Variants in MAP3K20 observed in about 807,000 individuals in gnomAD.
MAP3K20 encodes the protein HCCS-4.
In MAP3K20, 40 loss-of-function variants were observed where a neutral mutation model predicts 85.7. That is an observed-to-expected ratio of 0.47 (90% confidence interval 0.36 to 0.61). The LOEUF is 0.61. Among genes scored for constraint, MAP3K20 ranks in the 20% least tolerant of loss-of-function variants. The pLI is 0.00. For missense variants in MAP3K20, 817 were observed against 961.7 expected (o/e 0.85, Z 1.99); for synonymous variants, 325 against 327.7 (o/e 0.99, Z 0.09).
Position 173,205,581 on chromosome 2 carries a change from TCTTGG to T in MAP3K20, c.744+1725_744+1729del, listed in dbSNP as rs113088604. Among the ~76,000 whole-genome samples the T allele has an allele frequency of 7.3e-3, 1,108 of 152,266 alleles. 5 individuals are homozygous for T. The highest frequency in any genetic ancestry group is 0.01 in the African/African-American group (425 of 41,552). Reference sequence around the variant, plus strand: ...AAGCCTGTTCACTCCACGTGCTCCTTCTTGGCTTGGCTTGGCTTAACTTGGAAGAA... The same window carrying T: ...AAGCCTGTTCACTCCACGTGCTCCTTCTTGGCTTGGCTTAACTTGGAAGAA... On this transcript the variant is annotated intron_variant, in intron 9 of 19. Coordinates refer to ENST00000375213, the MANE Select transcript of MAP3K20 (RefSeq NM_016653.3).
chr2:173,248,840 A>G (rs940506917), intron 16 of MAP3K20, among the ~76,000 whole-genome samples: 1 of 152,174 alleles, frequency 6.6e-6, no homozygotes, highest in Non-Finnish European at 1.5e-5. Context: ...TAGTCTTCTT[A>G]ATCAAGATTA....
At chr2:173,239,309 GA>G (rs78752850) in intron 15 of MAP3K20, 94 bp from the exon 16 acceptor site, 30,561 of 789,966 alleles carry the variant, frequency 0.039, 31 homozygotes, top group Non-Finnish European at 0.043. Flanking sequence ...GATTAGAATA[GA>G]AAAAAAAAAA....
intron 2 of MAP3K20, among the ~76,000 whole-genome samples, chr2:173,157,068 C>A (rs1689499651): frequency 6.6e-6 from 1 of 152,138 alleles, no homozygotes; most frequent in African/African-American, 2.4e-5. Flanking sequence ...CTTTTGACTC[C>A]TTTGTTAGCG....
chr2:173,223,841 G>A, intron 11 of MAP3K20: 1 of 985,454 alleles, frequency 1.0e-6, no homozygotes, highest in Middle Eastern at 5.2e-4. Context: ...ATGCACCCAA[G>A]AAGAAAAGCT....
intron 4 of MAP3K20, among the ~76,000 whole-genome samples, chr2:173,185,384 T>G (rs186514849): frequency 1.9e-4 from 29 of 152,266 alleles, no homozygotes; most frequent in African/African-American, 6.7e-4. Context: ...GAGGCTTGTA[T>G]GTTTATGGAC....
intron 16 of MAP3K20, among the ~76,000 whole-genome samples, chr2:173,250,200 C>G (rs1685011486): frequency 6.6e-6 from 1 of 152,126 alleles, no homozygotes; most frequent in East Asian, 1.9e-4. Context: ...CAAAAATTGC[C>G]CATTTAGCTA....
At chr2:173,226,011 C>T in intron 11 of MAP3K20, 1 of 985,162 alleles carries the variant, frequency 1.0e-6, no homozygotes, top group Non-Finnish European at 1.2e-6. Flanking sequence ...TTACATTTTA[C>T]TATTTTACAT....
intron 8 of MAP3K20, among the ~76,000 whole-genome samples, chr2:173,199,593 T>C (rs2106286228): frequency 6.6e-6 from 1 of 151,172 alleles, no homozygotes; most frequent in Non-Finnish European, 1.5e-5. Context: ...TTGTGTAGAC[T>C]CTGGAACCAA....
At chr2:173,194,166 T>C (rs1399017114) in intron 7 of MAP3K20, among the ~76,000 whole-genome samples, 1 of 152,204 alleles carries the variant, frequency 6.6e-6, no homozygotes, top group African/African-American at 2.4e-5. Context: ...CTGGTTTGCC[T>C]CACAGAATGT....
intron 2 of MAP3K20, among the ~76,000 whole-genome samples, chr2:173,118,290 G>A (rs891392089): frequency 6.6e-6 from 1 of 152,192 alleles, no homozygotes; most frequent in African/African-American, 2.4e-5. Context: ...TGTGAATTTA[G>A]TCACTAACAT....
intron 2 of MAP3K20, among the ~76,000 whole-genome samples, chr2:173,135,210 A>G (rs1415637114): frequency 6.6e-6 from 1 of 152,266 alleles, no homozygotes; most frequent in Non-Finnish European, 1.5e-5. Context: ...TTTTACAAGT[A>G]CATAAAGAGC....
chr2:173,156,247 T>C (rs537891324), intron 2 of MAP3K20, among the ~76,000 whole-genome samples: 1 of 152,348 alleles, frequency 6.6e-6, no homozygotes, highest in Non-Finnish European at 1.5e-5. Context: ...TGATTTGTTA[T>C]AAAACTCTAT....
intron 15 of MAP3K20, 63 bp from the exon 16 acceptor site, chr2:173,239,341 T>C: frequency 7.6e-7 from 1 of 1,321,780 alleles, no homozygotes; most frequent in Admixed American, 2.6e-5. Flanking sequence ...CAAGATATCA[T>C]CTTCTTTACA....
At chr2:173,173,958 C>T (rs1690081145) in intron 3 of MAP3K20, among the ~76,000 whole-genome samples, 1 of 152,090 alleles carries the variant, frequency 6.6e-6, no homozygotes, top group South Asian at 2.1e-4. Flanking sequence ...ATACTTTATA[C>T]TAAAATCCAG....
intron 3 of MAP3K20, among the ~76,000 whole-genome samples, chr2:173,173,981 T>C (rs1029645105): frequency 9.2e-5 from 14 of 152,236 alleles, no homozygotes; most frequent in African/African-American, 3.4e-4. Context: ...AACTACTTTC[T>C]ACAGAGAAGT....
rs550352266 is a variant in MAP3K20, at chr2:173,127,484, A to G, written c.159+36294A>G. 2.6e-5 allele frequency among the ~76,000 whole-genome samples: 4 copies of G among 152,374 alleles called. No homozygotes were observed. In the South Asian group the frequency reaches 8.3e-4, roughly 32 times the overall value. On this transcript the variant is annotated intron_variant, in intron 2 of 19. Coordinates refer to ENST00000375213, the MANE Select transcript of MAP3K20 (RefSeq NM_016653.3). ...TTTAAGATCCCAGCTTACAACAAGC[A>G]CGTTTTCATTTTGAAGAGTTTTTGG...
chr2:173,142,571 A>G (rs934200129), intron 2 of MAP3K20, among the ~76,000 whole-genome samples: 1 of 152,148 alleles, frequency 6.6e-6, no homozygotes, highest in Non-Finnish European at 1.5e-5. Context: ...AATTAAATCT[A>G]AGTAGACTGT....
chr2:173,182,858 T>G lies in MAP3K20; in HGVS notation c.252T>G (p.Tyr84Ter). Residue 84 changes from tyrosine to a stop codon, truncating the protein, a stop_gained, in exon 4 of 20, where the codon TAT becomes TAG. Transcript: ENST00000375213. LOFTEE classifies it high-confidence loss of function. The stretch of plus-strand genomic sequence containing the variant: ...TTATCTTTCCTTTTAAAATAGAATA[T>G]GCTTCTCTGGGATCACTCTATGATT... ...EPPNYGIVTEYASLGSLYDYI... is the reference protein window; with the variant it reads ...EPPNYGIVTE 1.3e-6 allele frequency: 2 copies of G among 1,586,944 alleles called. No homozygotes were observed. The highest frequency in any genetic ancestry group is 1.7e-6 in the Non-Finnish European group (2 of 1,168,732).
intron 2 of MAP3K20, among the ~76,000 whole-genome samples, chr2:173,157,902 G>A (rs1260258512): frequency 2.0e-5 from 3 of 152,158 alleles, no homozygotes; most frequent in African/African-American, 7.2e-5. Context: ...TGTTTCTCAC[G>A]CTTCTGTGAC....
Sources: allele counts gnomAD v4.1 joint callset (sites outside exome capture counted in the v4.1 genomes callset), GRCh38; gene constraint gnomAD v4.1.1; transcripts MANE v1.5; gene names NCBI Gene and HGNC (gene_info 2026-07-23, HGNC 2026-07-21).